EYS: variants seen among roughly 807,000 people sequenced by gnomAD.
EYS encodes protein eyes shut homolog.
In EYS, 250 loss-of-function variants were observed where a neutral mutation model predicts 282.1. The ratio of observed to expected loss-of-function variants is 0.89; its 90% CI spans 0.80 to 0.98. The LOEUF (loss-of-function observed/expected upper bound fraction) is 0.98, where lower values mean the gene tolerates loss of function less well. Ranked by LOEUF, EYS falls within the 50% of genes least tolerant of loss-of-function variation. The probability of loss-of-function intolerance (pLI) is 0.00; values close to 1 mark genes in which losing one functional copy is unlikely to be tolerated. For synonymous variants in EYS, 1,355 were observed against 1,282.9 expected, an observed-to-expected ratio of 1.06 and a Z score of -1.20; for missense variants, 4,016 against 3,709.0, an observed-to-expected ratio of 1.08 and a Z score of -2.15.
At chr6:65,507,131 C>T (rs1179455124) in intron 2 of EYS, among the ~76,000 whole-genome samples, 1 of 152,054 alleles carries the variant, frequency 6.6e-6, no homozygotes, top group Non-Finnish European at 1.5e-5. Context: ...ATTAAAATCT[C>T]TCAGATTTTG....
At chr6:65,188,523 C>T (rs1765565400) in intron 12 of EYS, among the ~76,000 whole-genome samples, 2 of 151,306 alleles carry the variant, frequency 1.3e-5, no homozygotes, top group Admixed American at 1.3e-4. Context: ...AGAATAATCA[C>T]CTCCAAAGAT....
At chr6:65,288,989 G>T (rs1169929053) in intron 12 of EYS, among the ~76,000 whole-genome samples, 1 of 150,470 alleles carries the variant, frequency 6.6e-6, no homozygotes, top group South Asian at 2.1e-4. Flanking sequence ...CAATTGAAAA[G>T]AATACATAAA....
At chr6:63,773,478 A>G (rs1769986790) in intron 40 of EYS, among the ~76,000 whole-genome samples, 2 of 152,224 alleles carry the variant, frequency 1.3e-5, no homozygotes, top group African/African-American at 2.4e-5. Flanking sequence ...GGGATAGAGT[A>G]GTACAATTAA....
In EYS at chr6:64,506,908, TA is replaced by T. The variant is rs530521158; in HGVS notation, c.5645-67557del. On this transcript the variant is annotated intron_variant, in intron 26 of 42. Transcript: ENST00000503581. Reference sequence around the variant, plus strand: ...TGGGCGATAAAGCGAGGCTGTGTCTTAAAAAAAAAAAAAAAAACTGACTTAC... The same window carrying T: ...TGGGCGATAAAGCGAGGCTGTGTCTTAAAAAAAAAAAAAAAACTGACTTAC... Among the ~76,000 whole-genome samples the T allele has an allele frequency of 2.0e-3, 193 of 97,814 alleles. 6 individuals are homozygous for T. The highest frequency in any genetic ancestry group is 0.013 in the South Asian group (40 of 3,028). The allele number at this position is 97,814 out of a possible 152,430, so 64.2% of individuals were successfully genotyped here.
At chr6:64,631,261 C>T (rs1767769879) in intron 22 of EYS, 1 of 152,166 alleles carries the variant, frequency 6.6e-6, no homozygotes, top group Non-Finnish European at 1.5e-5. Context: ...GTTAGTTTAA[C>T]TGCTATTAAC....
At chr6:65,497,378 G>A (rs1766291918) in intron 2 of EYS, among the ~76,000 whole-genome samples, 1 of 152,108 alleles carries the variant, frequency 6.6e-6, no homozygotes, top group East Asian at 1.9e-4. Context: ...CAAAATCTAA[G>A]CTAAAATGAT....
intron 29 of EYS, among the ~76,000 whole-genome samples, chr6:64,363,983 G>T (rs671938): frequency 0.72 from 108,851 of 151,654 alleles, 39,256 homozygotes; most frequent in African/African-American, 0.79. Flanking sequence ...CCAGAGCTTC[G>T]TTCATCTCTC....
intron 2 of EYS, among the ~76,000 whole-genome samples, chr6:65,506,229 T>A: frequency 6.6e-6 from 1 of 152,052 alleles, no homozygotes; most frequent in Admixed American, 6.6e-5. Context: ...ATTTAAAGCG[T>A]TTCTTGTAAA....
At chr6:65,522,689 T>C (rs1198766848) in intron 2 of EYS, among the ~76,000 whole-genome samples, 1 of 152,246 alleles carries the variant, frequency 6.6e-6, no homozygotes, top group East Asian at 1.9e-4. Flanking sequence ...TTGCATATTA[T>C]GTATAGTTTA....
intron 1 of EYS, among the ~76,000 whole-genome samples, chr6:65,670,188 T>C (rs956482221): frequency 6.6e-6 from 1 of 151,814 alleles, no homozygotes; most frequent in Non-Finnish European, 1.5e-5. Context: ...TGCCTTCTAA[T>C]TGAATGCTAT....
At chr6:64,750,019 T>C (rs1772690965) in intron 22 of EYS, among the ~76,000 whole-genome samples, 1 of 152,098 alleles carries the variant, frequency 6.6e-6, no homozygotes, top group Admixed American at 6.6e-5. Context: ...CAAAATTTTA[T>C]TTTGTCATTT....
intron 2 of EYS, among the ~76,000 whole-genome samples, chr6:65,559,722 A>G (rs909352803): frequency 6.6e-5 from 10 of 152,154 alleles, no homozygotes; most frequent in African/African-American, 9.6e-5. Flanking sequence ...TAATTATTTC[A>G]TTAAATGTAT....
At chr6:64,393,418 A>C (rs1425587748) in intron 28 of EYS, among the ~76,000 whole-genome samples, 1 of 152,240 alleles carries the variant, frequency 6.6e-6, no homozygotes, top group African/African-American at 2.4e-5. Context: ...CAACACATCA[A>C]AAAGCTTATC....
chr6:64,967,822 C>T (rs1583342233), intron 14 of EYS, among the ~76,000 whole-genome samples: 3 of 152,284 alleles, frequency 2.0e-5, no homozygotes, highest in African/African-American at 7.2e-5. Flanking sequence ...AAAATGGCTG[C>T]TCCATCTTTT....
chr6:65,601,983 G>T (rs1479507375), intron 2 of EYS, among the ~76,000 whole-genome samples: 5 of 151,848 alleles, frequency 3.3e-5, no homozygotes, highest in Non-Finnish European at 5.9e-5. Flanking sequence ...TAGCTTTATT[G>T]TTACAGCCTA....
chr6:63,781,700 G>C (rs985485000), intron 39 of EYS, among the ~76,000 whole-genome samples: 3 of 152,190 alleles, frequency 2.0e-5, no homozygotes, highest in Non-Finnish European at 4.4e-5. Context: ...TGCAAACAGG[G>C]ACAATCTTAC....
chr6:65,137,393 G>A (rs1441511983), intron 12 of EYS, among the ~76,000 whole-genome samples: 1 of 152,074 alleles, frequency 6.6e-6, no homozygotes, highest in Non-Finnish European at 1.5e-5. Flanking sequence ...ACCATTTGAG[G>A]TCAGGTTGAG....
chr6:64,404,759 A>G (rs1582710215), intron 28 of EYS, among the ~76,000 whole-genome samples: 1 of 152,318 alleles, frequency 6.6e-6, no homozygotes, highest in East Asian at 1.9e-4. Flanking sequence ...GAGTCTAAAT[A>G]ATAAATAAGA....
At chr6:64,947,479 C>T (rs1348605948) in intron 14 of EYS, among the ~76,000 whole-genome samples, 1 of 151,710 alleles carries the variant, frequency 6.6e-6, no homozygotes, top group Non-Finnish European at 1.5e-5. Context: ...CAACATTGTG[C>T]TTTATTCTTG....
Sources: allele counts gnomAD v4.1 joint callset (sites outside exome capture counted in the v4.1 genomes callset), GRCh38; gene constraint gnomAD v4.1.1; transcripts MANE v1.5; gene names NCBI Gene and HGNC (gene_info 2026-07-23, HGNC 2026-07-21).